OLFM1: variants seen among roughly 807,000 people sequenced by gnomAD.
OLFM1 encodes olfactomedin 1.
In OLFM1, 9 loss-of-function variants were observed where a neutral mutation model predicts 49.7. The ratio of observed to expected loss-of-function variants is 0.18; its 90% CI spans 0.11 to 0.32. The LOEUF (loss-of-function observed/expected upper bound fraction) is 0.32. Ranked by LOEUF, OLFM1 falls within the 10% of genes least tolerant of loss-of-function variation. The pLI, the probability that OLFM1 is intolerant of heterozygous loss-of-function variation, is 1.00. For missense variants in OLFM1, 369 were observed against 661.8 expected (o/e 0.56, Z 4.85); for synonymous variants, 240 against 271.8 (o/e 0.88, Z 1.15).
chr9:135,100,633 C>T (rs1313265611), intron 4 of OLFM1, among the ~76,000 whole-genome samples: 1 of 152,204 alleles, frequency 6.6e-6, no homozygotes, highest in Admixed American at 6.5e-5. Flanking sequence ...AACTGAGCTC[C>T]CCCGTTAGAG....
At chr9:135,115,258 C>T (rs994628359) in intron 5 of OLFM1, among the ~76,000 whole-genome samples, 13 of 152,204 alleles carry the variant, frequency 8.5e-5, no homozygotes, top group Non-Finnish European at 1.0e-4. Context: ...AGCTTCAGGC[C>T]GAGCCTTCAA....
Position 135,080,034 on chromosome 9 carries a change from A to C in OLFM1, c.96+4232A>C, listed in dbSNP as rs1357503940. 1.3e-5 allele frequency among the ~76,000 whole-genome samples: 2 copies of C among 151,972 alleles called. No homozygotes were observed. Among genetic ancestry groups the C allele is most frequent in the Admixed American group, 6.6e-5 (1 of 15,256 alleles). On this transcript the variant is annotated intron_variant, in intron 1 of 5. Transcript: ENST00000252854. This position sits in a 1 kb window ranked among gnomAD's most constrained non-coding sequence, Gnocchi z 4.5. ...TGGTGTGAACAGGGCAGACGAGAAGACCAGGGAGGTGATGCTGACTTAGGC... is the reference window on the plus strand; with the variant it reads ...TGGTGTGAACAGGGCAGACGAGAAGCCCAGGGAGGTGATGCTGACTTAGGC...
rs201384716 is a variant in OLFM1 at position 135,091,799 on chromosome 9, TCA to T, written c.300+1463_300+1464del. Among the ~76,000 whole-genome samples the T allele has an allele frequency of 8.8e-3, 652 of 73,932 alleles. 8 individuals are homozygous for T. Among genetic ancestry groups the T allele is most frequent in the African/African-American group, 0.035 (602 of 17,412 alleles). 48.5% of individuals were successfully genotyped at this position (73,932 alleles called of 152,430 possible). On this transcript the variant is annotated intron_variant, in intron 2 of 5. Coordinates refer to ENST00000371793, the MANE Select transcript of OLFM1 (RefSeq NM_001282611.2). ...CACACACTCACACATAGTCACACAG[TCA>T]CACACACTCACATAGTCACACACAC...
At chr9:135,092,443 G>T (rs2119109271) in intron 2 of OLFM1, among the ~76,000 whole-genome samples, 1 of 152,312 alleles carries the variant, frequency 6.6e-6, no homozygotes, top group South Asian at 2.1e-4. Context: ...TTAGCCACCT[G>T]AGTAAATCAT....
rs1390352594 is a variant in OLFM1, at chr9:135,088,251, G to A, written c.150+112G>A. On this transcript the variant is annotated intron_variant, in intron 1 of 5. Coordinates refer to ENST00000371793, the MANE Select transcript of OLFM1 (RefSeq NM_001282611.2). This position sits in a 1 kb window ranked among gnomAD's most constrained non-coding sequence, Gnocchi z 4.8. ...CGCCGCGCGGGACCCGAGTCGCCCAGGGAGGCGGCGGGGAGCAGGGCGGGC... is the reference window on the plus strand; with the variant it reads ...CGCCGCGCGGGACCCGAGTCGCCCAAGGAGGCGGCGGGGAGCAGGGCGGGC... The A allele has an allele frequency of 1.9e-6, 2 of 1,033,258 alleles. No individual in the cohort carries two copies. Among genetic ancestry groups the A allele is most frequent in the African/African-American group, 3.4e-5 (2 of 59,474 alleles). The allele number at this position is 1,033,258 out of a possible 1,614,324, so 64.0% of individuals were successfully genotyped here. A position where few individuals can be genotyped will look rare whatever the true frequency, so the allele number is the denominator to read the frequency against.
intron 5 of OLFM1, among the ~76,000 whole-genome samples, chr9:135,108,245 A>G (rs1183040664): frequency 6.6e-6 from 1 of 152,094 alleles, no homozygotes; most frequent in African/African-American, 2.4e-5. Context: ...CACCTGGAAA[A>G]CCCCACTTAT....
At chr9:135,104,026 C>T (rs1209462526) in intron 4 of OLFM1, among the ~76,000 whole-genome samples, 4 of 152,210 alleles carry the variant, frequency 2.6e-5, no homozygotes, top group Admixed American at 2.0e-4. Context: ...CCATACAAAT[C>T]CCCAGGCTGA....
In OLFM1 at chr9:135,119,587, C is replaced by T. The variant is rs1831158573; in HGVS notation, c.867C>T (p.Phe289=). ...TTGACTTCATGAACACGGACAATTT[C>T]ACCTCCCACCGTCTCCCCCACCCCT... ...SMVDFMNTDN[F]TSHRLPHPWS... is the part of the protein sequence containing the mutation. Residue 289 remains phenylalanine, a synonymous_variant, in exon 6 of 6, where the codon TTC becomes TTT. Coordinates refer to ENST00000371793, the MANE Select transcript of OLFM1 (RefSeq NM_001282611.2). 2 of 1,614,150 alleles carry T rather than the reference C, an allele frequency of 1.2e-6. No individual in the cohort carries two copies. The highest frequency in any genetic ancestry group is 8.5e-7 in the Non-Finnish European group (1 of 1,180,026).
chr9:135,097,991 C>G, intron 3 of OLFM1: 1 of 1,422,486 alleles, frequency 7.0e-7, no homozygotes. Context: ...TAGTTTGAAC[C>G]CTTGTCAATG....
chr9:135,104,715 G>A (rs1035858500), intron 4 of OLFM1, among the ~76,000 whole-genome samples: 11 of 152,260 alleles, frequency 7.2e-5, no homozygotes, highest in Admixed American at 2.6e-4. Context: ...TTCTCCCAGC[G>A]CCCACCCAGT....
Position 135,120,245 on chromosome 9 carries a change from A to G in OLFM1, c.*67A>G, listed in dbSNP as rs1388793269. The G allele has an allele frequency of 5.2e-6, 7 of 1,343,274 alleles. No homozygotes were observed. The highest frequency in any genetic ancestry group is 6.2e-6 in the Non-Finnish European group (6 of 975,120). The allele number at this position is 1,343,274 out of a possible 1,614,324, so 83.2% of individuals were successfully genotyped here. On this transcript the variant is annotated 3_prime_UTR_variant, in exon 6 of 6. Transcript: ENST00000371793. ...AAGGGACTCCTGTGAAACTGCTGCC[A>G]AAAAGATACCAATAACACTAACAAT...
rs1831159562 is a variant in OLFM1, at chr9:135,119,638, C to T, written c.918C>T (p.Tyr306=). 6.2e-7 allele frequency: 1 copy of T among 1,614,202 alleles called. No individual in the cohort carries two copies. The highest frequency in any genetic ancestry group is 8.5e-7 in the Non-Finnish European group (1 of 1,180,040). ...GGTCGGGCACGGGGCAGGTGGTCTA[C>T]AACGGTTCTATCTACTTCAACAAGT... is the stretch of plus-strand genomic sequence containing the variant. The part of the protein sequence containing the change: ...HPWSGTGQVV[Y]NGSIYFNKFQ... Residue 306 remains tyrosine, a synonymous_variant, in exon 6 of 6, where the codon TAC becomes TAT. Coordinates refer to ENST00000371793, the MANE Select transcript of OLFM1 (RefSeq NM_001282611.2).
intron 1 of OLFM1, among the ~76,000 whole-genome samples, chr9:135,082,272 G>A (rs1830542482): frequency 6.6e-6 from 1 of 152,202 alleles, no homozygotes; most frequent in Non-Finnish European, 1.5e-5. Context: ...CAGATCAGCA[G>A]TTCACAGCAT....
At chr9:135,075,757 C>T (rs1381790303) in exon 1 of OLFM1, 3 of 1,607,302 alleles carry the variant, frequency 1.9e-6, no homozygotes. Context: ...CCCGGAAGCT[C>T]CTCAGCCTCC....
At position 135,111,495 on chromosome 9, in the gene OLFM1, C is replaced by T. The variant is rs141010049; in HGVS notation, c.783+4640C>T. Among the ~76,000 whole-genome samples, 917 of 152,248 alleles carry T rather than the reference C, an allele frequency of 6.0e-3. 5 individuals are homozygous for T. Among genetic ancestry groups the T allele is most frequent in the Non-Finnish European group, 0.011 (749 of 68,012 alleles). ...AGGAGGCCTGAGTCCAGCCCTGACC[C>T]CCTGCTTTTCCTAGATCTCGGGGCT... On this transcript the variant is annotated intron_variant, in intron 5 of 5. Transcript: ENST00000371793.
intron 3 of OLFM1, among the ~76,000 whole-genome samples, chr9:135,097,414 C>T (rs545203895): frequency 3.3e-5 from 5 of 152,304 alleles, no homozygotes; most frequent in Middle Eastern, 3.4e-3. Context: ...TGAGCCAGCA[C>T]TCCCTTCTCT....
In OLFM1 at chr9:135,113,702, G is replaced by A. The variant is rs1335693526; in HGVS notation, c.784-5802G>A. Among the ~76,000 whole-genome samples the A allele has an allele frequency of 2.0e-5, 3 of 152,228 alleles. No individual in the cohort carries two copies. The East Asian group carries it at 5.8e-4, about 29-fold the overall frequency. On this transcript the variant is annotated intron_variant, in intron 5 of 5. Coordinates refer to ENST00000371793, the MANE Select transcript of OLFM1 (RefSeq NM_001282611.2). This position sits in a 1 kb window ranked among gnomAD's most constrained non-coding sequence, Gnocchi z 4.0. ...AGACCCACGGTGTGCCCTGAGCTGA[G>A]TGGGGGTGCTGGGTCACAGTGAGGC... is the stretch of plus-strand genomic sequence containing the variant.
chr9:135,093,621 C>T (rs112350647), intron 2 of OLFM1, among the ~76,000 whole-genome samples: 1 of 152,144 alleles, frequency 6.6e-6, no homozygotes, highest in East Asian at 1.9e-4. Context: ...CCTGCTGCCC[C>T]GTTGGGTAGG....
chr9:135,087,266 C>A (rs1830609768), upstream of OLFM1: 1 of 1,458,046 alleles, frequency 6.9e-7, no homozygotes, highest in Non-Finnish European at 9.0e-7. Context: ...CCTCGAATCA[C>A]CGCGGAAAAG....
Sources: gnomAD v4.1 joint callset for allele counts (sites outside exome capture counted in the v4.1 genomes callset) on GRCh38, gnomAD v4.1.1 for gene constraint, Gnocchi (gnomAD v3.1) non-coding constraint, MANE v1.5 for transcripts, NCBI Gene and HGNC (gene_info 2026-07-23, HGNC 2026-07-21) for gene names.